The following UBE3A variants were observed in gnomAD, a reference collection of about 807,000 sequenced individuals.
UBE3A encodes the protein ubiquitin protein ligase E3A.
UBE3A carries 6 observed loss-of-function variants against 83.4 expected under a neutral mutation model. That is an observed-to-expected ratio of 0.07 (90% confidence interval 0.04 to 0.14). The LOEUF (loss-of-function observed/expected upper bound fraction) is 0.14, where lower values mean the gene tolerates loss of function less well. Among genes scored for constraint, UBE3A ranks in the 10% least tolerant of loss-of-function variants. UBE3A has a pLI of 1.00. For missense variants in UBE3A, 456 were observed against 1,036.1 expected (o/e 0.44, Z 7.69); for synonymous variants, 337 against 355.4 (o/e 0.95, Z 0.58).
intron 5 of UBE3A, chr15:25,373,661 T>C (rs1566968820): frequency 6.6e-6 from 1 of 152,062 alleles, no homozygotes; most frequent in Non-Finnish European, 1.5e-5. Context: ...GTATTTTTAG[T>C]AGAGAGGGGG....
intron 12 of UBE3A, chr15:25,339,873 G>GT (rs1462594990): frequency 3.3e-6 from 2 of 601,286 alleles, no homozygotes; most frequent in African/African-American, 3.7e-5. Flanking sequence ...CCAAACCAAT[G>GT]TGAGCCCCAT....
rs1324230920 is a variant in UBE3A, at chr15:25,370,083, C to A, written c.1608+483G>T. Among the ~76,000 whole-genome samples the A allele has an allele frequency of 1.3e-5, 2 of 152,154 alleles. No homozygotes were observed. Among genetic ancestry groups the A allele is most frequent in the Non-Finnish European group, 2.9e-5 (2 of 68,030 alleles). ...GGACTCAACTCTTACTGGCAACAGG[C>A]ACTGATCTGCCATGGTCACTTCATC... On this transcript the variant is annotated intron_variant, in intron 6 of 12. Coordinates refer to ENST00000648336, the MANE Select transcript of UBE3A (RefSeq NM_130839.5). The surrounding 1 kb of genome is among the most constrained non-coding windows in gnomAD (Gnocchi z 4.2).
At chr15:25,390,773 G>A (rs564892008) in intron 4 of UBE3A, among the ~76,000 whole-genome samples, 14 of 151,894 alleles carry the variant, frequency 9.2e-5, no homozygotes, top group Admixed American at 2.0e-4. Flanking sequence ...TATAAACTAC[G>A]GACTTTGGGT....
At chr15:25,363,489 A>AC (rs1284364302) in intron 6 of UBE3A, among the ~76,000 whole-genome samples, 2 of 152,068 alleles carry the variant, frequency 1.3e-5, no homozygotes, top group African/African-American at 4.8e-5. Flanking sequence ...TCTTCACAAC[A>AC]CCCTTATGAG....
At chr15:25,351,968 C>A (rs183292058) in intron 11 of UBE3A, among the ~76,000 whole-genome samples, 2 of 151,828 alleles carry the variant, frequency 1.3e-5, no homozygotes. Context: ...CCGAGGCGGG[C>A]GGATCACCAG....
intron 1 of UBE3A, among the ~76,000 whole-genome samples, chr15:25,417,631 T>C (rs1300647103): frequency 6.6e-6 from 1 of 151,738 alleles, no homozygotes; most frequent in Non-Finnish European, 1.5e-5. Flanking sequence ...TTTCTTGAAA[T>C]ATAAAGCGAA....
intron 11 of UBE3A, among the ~76,000 whole-genome samples, chr15:25,340,846 TGGA>T (rs775251553): frequency 5.0e-4 from 76 of 152,294 alleles, no homozygotes; most frequent in African/African-American, 1.5e-3. Context: ...GTGCTGTGTA[TGGA>T]GGAGGAGAAT....
At chr15:25,428,645 T>C (rs1175814385) in intron 1 of UBE3A, among the ~76,000 whole-genome samples, 4 of 152,208 alleles carry the variant, frequency 2.6e-5, no homozygotes, top group Admixed American at 1.3e-4. Context: ...CAGAAAATAA[T>C]AAATTTCCTA....
At chr15:25,392,343 T>A (rs2084591229) in intron 4 of UBE3A, among the ~76,000 whole-genome samples, 1 of 152,142 alleles carries the variant, frequency 6.6e-6, no homozygotes. Flanking sequence ...TTTCCTCCCT[T>A]CTCTCTGGCT....
chr15:25,342,443 CAG>C (rs148613018), intron 11 of UBE3A, among the ~76,000 whole-genome samples: 3,607 of 152,198 alleles, frequency 0.024, 139 homozygotes, highest in African/African-American at 0.08. Flanking sequence ...ACAATGAAAA[CAG>C]GGAACAAAAT....
intron 11 of UBE3A, among the ~76,000 whole-genome samples, chr15:25,343,087 G>A (rs2075123996): frequency 6.6e-6 from 1 of 152,150 alleles, no homozygotes; most frequent in East Asian, 1.9e-4. Flanking sequence ...AGCAACAGAA[G>A]AGGGATCCCT....
intron 5 of UBE3A, 153 bp downstream of exon 5, chr15:25,375,312 T>A: frequency 1.2e-6 from 1 of 843,622 alleles, no homozygotes; most frequent in South Asian, 1.8e-5. Context: ...AAAATGTAGT[T>A]ATTATTCCTG....
At position 25,360,536 on chromosome 15, in the gene UBE3A, T is replaced by C; in HGVS notation, c.1609-9A>G. ...ATAGCGATCATCTCTAGCTAGTGATTGAAAAGATAAACATGAAAAGAAGAT... is the reference window on the plus strand; with the variant it reads ...ATAGCGATCATCTCTAGCTAGTGATCGAAAAGATAAACATGAAAAGAAGAT... On this transcript the variant is annotated splice_polypyrimidine_tract_variant and intron_variant, in intron 6 of 12. Transcript: ENST00000648336. 6.2e-7 allele frequency: 1 copy of C among 1,612,502 alleles called. No homozygotes were observed.
At chr15:25,347,419 A>C (rs1342346317) in intron 11 of UBE3A, among the ~76,000 whole-genome samples, 1 of 152,178 alleles carries the variant, frequency 6.6e-6, no homozygotes, top group Non-Finnish European at 1.5e-5. Flanking sequence ...AACACATAGA[A>C]GGCCAGGCAT....
chr15:25,437,794 C>A (rs917198331), intron 1 of UBE3A, among the ~76,000 whole-genome samples: 1 of 152,008 alleles, frequency 6.6e-6, no homozygotes, highest in African/African-American at 2.4e-5. Context: ...CCTTTACCAA[C>A]AAAAGCCTTT....
chr15:25,339,762 C>G, intron 12 of UBE3A: 1 of 370,866 alleles, frequency 2.7e-6, no homozygotes, highest in Non-Finnish European at 5.0e-6. Flanking sequence ...TGATAATCTT[C>G]CGAGCCTCAA....
At chr15:25,391,612 GA>G (rs1211486192) in intron 4 of UBE3A, 1 of 152,118 alleles carries the variant, frequency 6.6e-6, no homozygotes, top group African/African-American at 2.4e-5. Flanking sequence ...AAGTGCATGT[GA>G]AATACTACTA....
intron 4 of UBE3A, among the ~76,000 whole-genome samples, chr15:25,378,368 T>A (rs1441022661): frequency 2.0e-5 from 3 of 152,126 alleles, no homozygotes; most frequent in Non-Finnish European, 4.4e-5. Context: ...GGGAAACAAT[T>A]GTCTGGGCCT....
At chr15:25,424,186 C>T (rs2153164376) in intron 1 of UBE3A, among the ~76,000 whole-genome samples, 1 of 152,228 alleles carries the variant, frequency 6.6e-6, no homozygotes, top group Admixed American at 6.5e-5. Context: ...CTCTCTATTT[C>T]CCATCAATTA....
Sources: allele counts gnomAD v4.1 joint callset (sites outside exome capture counted in the v4.1 genomes callset), GRCh38; gene constraint gnomAD v4.1.1; non-coding constraint Gnocchi (gnomAD v3.1); transcripts MANE v1.5; gene names NCBI Gene and HGNC (gene_info 2026-07-23, HGNC 2026-07-21).